The following MBOAT7 variants were observed in gnomAD, a reference collection of about 807,000 sequenced individuals.
The protein encoded by MBOAT7 is membrane bound acylglycerophosphatidylinositol O-acyltransferase MBOAT7.
In MBOAT7, 40 loss-of-function variants were observed where a neutral mutation model predicts 47.4. That is an observed-to-expected ratio of 0.84 (90% CI 0.66 to 1.10). The LOEUF is 1.10. MBOAT7 is among the 50% of genes least tolerant of loss of function. The probability of loss-of-function intolerance (pLI) is 0.00; values close to 1 mark genes in which losing one functional copy is unlikely to be tolerated. For missense variants in MBOAT7, 680 were observed against 655.6 expected (o/e 1.04, Z -0.41); for synonymous variants, 361 against 292.0 (o/e 1.24, Z -2.41).
chr19:54,175,915 G>A (rs1464290875), intron 7 of MBOAT7, among the ~76,000 whole-genome samples: 3 of 152,178 alleles, frequency 2.0e-5, no homozygotes, highest in Non-Finnish European at 2.9e-5. Context: ...GGTAAAGACG[G>A]GGTTTCACCA....
chr19:54,181,273 AG>A (rs1449329881), intron 5 of MBOAT7, 140 bp from the exon 6 acceptor site: 17 of 1,044,220 alleles, frequency 1.6e-5, no homozygotes, highest in Non-Finnish European at 2.3e-5. Context: ...GGAGACCCCA[AG>A]GGTAGGGACT....
intron 7 of MBOAT7, among the ~76,000 whole-genome samples, chr19:54,174,632 C>T (rs1293175822): frequency 6.7e-6 from 1 of 149,280 alleles, no homozygotes; most frequent in African/African-American, 2.4e-5. Context: ...GTCCCTCCTC[C>T]CTCAGACCCA....
At chr19:54,182,837 A>T (rs561809166) in intron 5 of MBOAT7, among the ~76,000 whole-genome samples, 3 of 152,080 alleles carry the variant, frequency 2.0e-5, no homozygotes, top group Non-Finnish European at 2.9e-5. Flanking sequence ...AGTAGCTGGG[A>T]TTACAGGCAC....
chr19:54,186,807 A>G (rs1212062653), intron 4 of MBOAT7: 3 of 269,002 alleles, frequency 1.1e-5, no homozygotes, highest in African/African-American at 2.2e-5. Flanking sequence ...TTCACCAAGT[A>G]CCTTCTCCCC....
In MBOAT7 at chr19:54,187,162, T is replaced by G; in HGVS notation, c.332A>C (p.Lys111Thr). The change falls in exon 4 of 8, where the codon AAG becomes ACG. Residue 111 changes from lysine to threonine, a missense_variant and splice_region_variant. Physicochemically the swap from Lys to Thr is moderately conservative, Grantham distance 78. Coordinates refer to ENST00000245615, the MANE Select transcript of MBOAT7 (RefSeq NM_024298.5). ...TNAVQLLLTL[K>T]LVSLASEVQD... is the part of the protein sequence containing the mutation. ...GGAGTGGCAAGCCCCGAGTCTGACC[T>G]TCAGCGTCAGCAGCAGCTGGACGGC... 1.3e-6 allele frequency: 2 copies of G among 1,563,554 alleles called. No individual in the cohort carries two copies. The highest frequency in any genetic ancestry group is 1.7e-6 in the Non-Finnish European group (2 of 1,157,010).
In MBOAT7 at chr19:54,181,129, C is replaced by T. The variant is rs781098311; in HGVS notation, c.498G>A (p.Pro166=). The T allele has an allele frequency of 1.3e-4, 180 of 1,335,236 alleles. No individual in the cohort carries two copies. Among genetic ancestry groups the T allele is most frequent in the Non-Finnish European group, 1.7e-4 (169 of 1,021,358 alleles). 82.7% of individuals were successfully genotyped at this position (1,335,236 alleles called of 1,614,324 possible). Reference sequence around the variant, plus strand: ...CCAGGTAGGTGCGGTAGCGGAAGAACGGGCCTGTGGGGCGGGGAGGGAGGG... The same window carrying T: ...CCAGGTAGGTGCGGTAGCGGAAGAATGGGCCTGTGGGGCGGGGAGGGAGGG... ...SYCYVGIMTG[P]FFRYRTYLDW... Residue 166 remains proline (P), a synonymous_variant, in exon 6 of 8, where the codon CCG becomes CCA. Coordinates refer to ENST00000245615, the MANE Select transcript of MBOAT7 (RefSeq NM_024298.5).
intron 7 of MBOAT7, among the ~76,000 whole-genome samples, chr19:54,177,183 A>ATACTAATAC (rs1426058818): frequency 6.6e-6 from 1 of 151,246 alleles, no homozygotes; most frequent in African/African-American, 2.4e-5. Flanking sequence ...ACTAATACTA[A>ATACTAATAC]TAATAATATC....
chr19:54,176,437 A>G (rs1008510701), intron 7 of MBOAT7, among the ~76,000 whole-genome samples: 2 of 151,866 alleles, frequency 1.3e-5, no homozygotes, highest in Non-Finnish European at 1.5e-5. Context: ...ACGTGCCTAT[A>G]ATCCCAGCTA....
chr19:54,187,201 G>A lies in MBOAT7; in HGVS notation c.293C>T (p.Thr98Met), dbSNP rs781584862. ...ALSLLGLPTP[T>M]PFTNAVQLLL... is the part of the protein sequence containing the mutation. ...CAGCTGGACGGCATTGGTGAAGGGCGTGGGAGTGGGCAGGCCCAGGAGGCT... is the reference window on the plus strand; with the variant it reads ...CAGCTGGACGGCATTGGTGAAGGGCATGGGAGTGGGCAGGCCCAGGAGGCT... Residue 98 changes from threonine (T) to methionine (M), a missense_variant, in exon 4 of 8, where the codon ACG (threonine) becomes ATG (methionine). Thr to Met is a moderately conservative substitution (Grantham distance 81). Transcript: ENST00000245615. 11 of 1,596,444 alleles carry A rather than the reference G, an allele frequency of 6.9e-6. No homozygotes were observed. The highest frequency in any genetic ancestry group is 1.7e-4 in the Middle Eastern group (1 of 6,022).
intron 5 of MBOAT7, 139 bp downstream of exon 5, chr19:54,183,382 C>T: frequency 9.8e-7 from 1 of 1,015,730 alleles, no homozygotes; most frequent in Admixed American, 2.6e-5. Flanking sequence ...GACGTAGACC[C>T]AGACACATGC....
Position 54,174,338 on chromosome 19 carries a change from G to A in MBOAT7, c.1125C>T (p.Ala375=), listed in dbSNP as rs148671781. The A allele has an allele frequency of 2.7e-5, 44 of 1,612,872 alleles. No homozygotes were observed. Among genetic ancestry groups the A allele is most frequent in the Admixed American group, 1.7e-4 (10 of 59,876 alleles). Residue 375 remains alanine, a synonymous_variant, in exon 8 of 8, where the codon GCC becomes GCT. Coordinates refer to ENST00000245615, the MANE Select transcript of MBOAT7 (RefSeq NM_024298.5). ...SFLTIPLCLA[A]EGRLESALRG... ...GCAGGGCTGACTCCAGCCGGCCCTC[G>A]GCAGCCAGGCACAGCGGGATGGTCA... is the stretch of plus-strand genomic sequence containing the variant.
rs369722870 is a variant in MBOAT7 at position 54,178,753 on chromosome 19, G to A, written c.1031+12C>T. On this transcript the variant is annotated intron_variant, in intron 7 of 7. Transcript: ENST00000245615. ...TCTGCAGTGTCACCTGAGACTGGGC[G>A]GGCTCACTCACCGCAGGACATAGGA... 75 of 1,612,282 alleles carry A rather than the reference G, an allele frequency of 4.7e-5. No individual in the cohort carries two copies. In the East Asian group the frequency reaches 5.1e-4, roughly 11 times the overall value.
Position 54,180,869 on chromosome 19 carries a change from T to C in MBOAT7, c.758A>G (p.Glu253Gly). Residue 253 changes from glutamate to glycine, a missense_variant, in exon 6 of 8, where the codon GAG (glutamate) becomes GGG (glycine). Glu to Gly is a moderately conservative substitution (Grantham distance 98, BLOSUM62 -2). Coordinates refer to ENST00000245615, the MANE Select transcript of MBOAT7 (RefSeq NM_024298.5). The surrounding 1 kb of genome is among the most constrained non-coding windows in gnomAD (Gnocchi z 5.2). The part of the protein sequence containing the change: ...MRFYVAWIAA[E>G]CGCIAAGFGA... ...AAAGCCGGCGGCAATGCAGCCGCAC[T>C]CGGCGGCAATCCAGGCCACGTAGAA... 1 of 1,589,474 alleles carries C rather than the reference T, an allele frequency of 6.3e-7. No individual in the cohort carries two copies. Among genetic ancestry groups the C allele is most frequent in the Non-Finnish European group, 8.5e-7 (1 of 1,170,254 alleles).
intron 6 of MBOAT7, chr19:54,179,388 C>T (rs979134086): frequency 3.3e-5 from 6 of 180,272 alleles, no homozygotes; most frequent in Middle Eastern, 2.4e-3. Flanking sequence ...ATGTTCCAGG[C>T]GCCAGTGGGG....
chr19:54,176,045 T>G (rs111256210), intron 7 of MBOAT7, among the ~76,000 whole-genome samples: 6 of 151,922 alleles, frequency 3.9e-5, no homozygotes, highest in Non-Finnish European at 5.9e-5. Flanking sequence ...TTAGTAGAGA[T>G]GGGGTTTCAC....
intron 7 of MBOAT7, among the ~76,000 whole-genome samples, chr19:54,176,548 C>T (rs997261023): frequency 1.3e-5 from 2 of 151,962 alleles, no homozygotes; most frequent in African/African-American, 4.8e-5. Flanking sequence ...TAAACAAAAA[C>T]GATGGATCCT....
chr19:54,183,496 G>A lies in MBOAT7; in HGVS notation c.493+25C>T, dbSNP rs185325757. The A allele has an allele frequency of 8.7e-6, 14 of 1,601,966 alleles. No individual in the cohort carries two copies. In the Admixed American group the frequency reaches 1.9e-4, roughly 22 times the overall value. ...AGGGGACACAGGAGACAGAGCGGCAGAGTTGTTAGGGCAGCCCCACTCACC... is the reference window on the plus strand; with the variant it reads ...AGGGGACACAGGAGACAGAGCGGCAAAGTTGTTAGGGCAGCCCCACTCACC... On this transcript the variant is annotated intron_variant, in intron 5 of 7. Transcript: ENST00000245615.
chr19:54,188,381 T>C, intron 2 of MBOAT7, 35 bp from the exon 3 acceptor site: 1 of 1,601,852 alleles, frequency 6.2e-7, no homozygotes, highest in Non-Finnish European at 8.5e-7. Flanking sequence ...GCCTGGAACC[T>C]TCCAGAGGGT....
chr19:54,180,689 C>G lies in MBOAT7; in HGVS notation c.854+84G>C. The G allele has an allele frequency of 7.5e-7, 1 of 1,324,736 alleles. No individual in the cohort carries two copies. The highest frequency in any genetic ancestry group is 1.0e-6 in the Non-Finnish European group (1 of 1,001,192). The allele number at this position is 1,324,736 out of a possible 1,614,324, so 82.1% of individuals were successfully genotyped here. ...GTGGTGGCCCTGGCCCCTTGCTCCC[C>G]GCTCTCCTCCCGGCTAGGGGCAGAG... On this transcript the variant is annotated intron_variant, in intron 6 of 7. Coordinates refer to ENST00000245615, the MANE Select transcript of MBOAT7 (RefSeq NM_024298.5). The surrounding 1 kb of genome is among the most constrained non-coding windows in gnomAD (Gnocchi z 5.2).
Sources: allele counts gnomAD v4.1 joint callset (sites outside exome capture counted in the v4.1 genomes callset), GRCh38; gene constraint gnomAD v4.1.1; non-coding constraint Gnocchi (gnomAD v3.1); transcripts MANE v1.5; gene names NCBI Gene and HGNC (gene_info 2026-07-23, HGNC 2026-07-21).